CDH12: variants seen among roughly 807,000 people sequenced by gnomAD.
CDH12 encodes cadherin-12.
A neutral mutation model predicts 74.1 loss-of-function variants in CDH12; 41 were observed. The observed-to-expected ratio is 0.55, with a 90% CI of 0.43 to 0.72. CDH12 has a LOEUF of 0.72. Ranked by LOEUF, CDH12 falls within the 30% of genes least tolerant of loss-of-function variation. The pLI, the probability that CDH12 is intolerant of heterozygous loss-of-function variation, is 0.00. For missense variants in CDH12, 945 were observed against 977.2 expected, an observed-to-expected ratio of 0.97 and a Z score of 0.44; for synonymous variants, 399 against 355.0, an observed-to-expected ratio of 1.12 and a Z score of -1.39.
chr5:22,536,653 T>G (rs528726115), intron 1 of CDH12, among the ~76,000 whole-genome samples: 249 of 152,348 alleles, frequency 1.6e-3, no homozygotes, highest in African/African-American at 5.8e-3. Context: ...TCTTACAAAT[T>G]CTGTAGAGTA....
chr5:22,571,761 G>C (rs1190753016), intron 1 of CDH12, among the ~76,000 whole-genome samples: 1 of 152,146 alleles, frequency 6.6e-6, no homozygotes, highest in South Asian at 2.1e-4. Flanking sequence ...AAGACCCAGG[G>C]AGAGGGAGAG....
At chr5:21,987,900 G>A (rs1411662146) in intron 5 of CDH12, among the ~76,000 whole-genome samples, 1 of 151,598 alleles carries the variant, frequency 6.6e-6, no homozygotes. Flanking sequence ...TCTCCCAGTT[G>A]ATCTTGTAAT....
intron 2 of CDH12, among the ~76,000 whole-genome samples, chr5:22,473,187 A>G (rs954415515): frequency 1.3e-5 from 2 of 152,012 alleles, no homozygotes; most frequent in African/African-American, 4.8e-5. Context: ...TCTCACTTAA[A>G]CCACATCTCT....
intron 11 of CDH12, among the ~76,000 whole-genome samples, chr5:21,766,220 A>G (rs1745015491): frequency 1.3e-5 from 2 of 152,004 alleles, no homozygotes; most frequent in African/African-American, 4.8e-5. Flanking sequence ...ATACATAACA[A>G]GCGTTTGACA....
At chr5:22,819,551 G>A (rs1749563423) in intron 1 of CDH12, among the ~76,000 whole-genome samples, 1 of 151,916 alleles carries the variant, frequency 6.6e-6, no homozygotes, top group Non-Finnish European at 1.5e-5. Context: ...AAAAAGCTAT[G>A]CAAACACAAA....
At chr5:21,946,121 G>A (rs1479192720) in intron 6 of CDH12, among the ~76,000 whole-genome samples, 1 of 152,144 alleles carries the variant, frequency 6.6e-6, no homozygotes, top group African/African-American at 2.4e-5. Context: ...TATTTTTGAA[G>A]TACTGAAGGA....
intron 1 of CDH12, among the ~76,000 whole-genome samples, chr5:22,783,061 T>A (rs1485247450): frequency 1.3e-5 from 2 of 152,192 alleles, no homozygotes. Flanking sequence ...AGGAATGCTG[T>A]GTGGCTAATT....
chr5:22,531,690 C>G (rs1465027865), intron 1 of CDH12, among the ~76,000 whole-genome samples: 1 of 152,008 alleles, frequency 6.6e-6, no homozygotes, highest in Admixed American at 6.6e-5. Context: ...ATTGCAGGTA[C>G]AGATGGCAAA....
At chr5:22,412,202 C>T (rs1743196072) in intron 2 of CDH12, among the ~76,000 whole-genome samples, 1 of 151,856 alleles carries the variant, frequency 6.6e-6, no homozygotes, top group Admixed American at 6.6e-5. Context: ...ATTCTAATTC[C>T]AGTAGAGGTA....
At chr5:22,133,612 C>G (rs1746293269) in intron 4 of CDH12, among the ~76,000 whole-genome samples, 1 of 152,012 alleles carries the variant, frequency 6.6e-6, no homozygotes, top group Non-Finnish European at 1.5e-5. Flanking sequence ...ATTCAAAAAT[C>G]TGATTGTCAG....
intron 3 of CDH12, among the ~76,000 whole-genome samples, chr5:22,341,981 G>A (rs947400379): frequency 2.0e-5 from 3 of 152,058 alleles, no homozygotes; most frequent in East Asian, 3.9e-4. Flanking sequence ...CATTTCTCAC[G>A]GTTCTTGAGG....
chr5:22,485,293 C>T (rs1203953160), intron 2 of CDH12, among the ~76,000 whole-genome samples: 1 of 152,046 alleles, frequency 6.6e-6, no homozygotes. Flanking sequence ...GTGATCCTCC[C>T]ATCTCAGCCT....
At chr5:21,927,542 G>A (rs542495340) in intron 6 of CDH12, among the ~76,000 whole-genome samples, 2 of 152,222 alleles carry the variant, frequency 1.3e-5, no homozygotes, top group Non-Finnish European at 2.9e-5. Context: ...AGTGACCCAA[G>A]ATTGTGCCAC....
Position 21,800,037 on chromosome 5 carries a change from G to A in CDH12, c.1256+2130C>T, listed in dbSNP as rs141090679. ...GGTTTAATGGAGTTTCCCCTGTTAGGTTTTGGACTTACATTGGACCTCTCA... is the reference window on the plus strand; with the variant it reads ...GGTTTAATGGAGTTTCCCCTGTTAGATTTTGGACTTACATTGGACCTCTCA... On this transcript the variant is annotated intron_variant, in intron 10 of 14. Transcript: ENST00000382254. 5.8e-4 allele frequency among the ~76,000 whole-genome samples: 88 copies of A among 152,204 alleles called. 1 individual carries two copies. The East Asian group carries it at 0.013, about 22-fold the overall frequency.
chr5:22,534,764 T>C (rs983977183), intron 1 of CDH12, among the ~76,000 whole-genome samples: 1 of 151,826 alleles, frequency 6.6e-6, no homozygotes, highest in Non-Finnish European at 1.5e-5. Flanking sequence ...TGAAAACTAA[T>C]GAATCATTGC....
chr5:21,909,312 C>T (rs764638332), intron 6 of CDH12, among the ~76,000 whole-genome samples: 23 of 152,090 alleles, frequency 1.5e-4, no homozygotes, highest in Non-Finnish European at 2.8e-4. Context: ...TGTTTTAATG[C>T]CCCATAGGAC....
At chr5:22,730,090 GA>G (rs1299926196) in intron 1 of CDH12, among the ~76,000 whole-genome samples, 1 of 151,490 alleles carries the variant, frequency 6.6e-6, no homozygotes, top group Non-Finnish European at 1.5e-5. Flanking sequence ...TATCTCTAAG[GA>G]AAATACATCT....
intron 1 of CDH12, among the ~76,000 whole-genome samples, chr5:22,689,547 G>C (rs1741975304): frequency 6.6e-6 from 1 of 151,948 alleles, no homozygotes; most frequent in Non-Finnish European, 1.5e-5. Flanking sequence ...TACATAACTA[G>C]GAAGTTGACC....
chr5:22,080,825 G>A (rs1011850063), intron 4 of CDH12, among the ~76,000 whole-genome samples: 12 of 151,810 alleles, frequency 7.9e-5, no homozygotes, highest in South Asian at 2.1e-4. Flanking sequence ...TGTCTCCCAG[G>A]CTGGAGCGCA....
Sources: allele counts gnomAD v4.1 joint callset (sites outside exome capture counted in the v4.1 genomes callset), GRCh38; gene constraint gnomAD v4.1.1; transcripts MANE v1.5; gene names NCBI Gene and HGNC (gene_info 2026-07-23, HGNC 2026-07-21).